The following UBE2R2 variants were observed in gnomAD, a reference collection of about 807,000 sequenced individuals.
The protein encoded by UBE2R2 is ubiquitin-conjugating enzyme E2 R2.
In UBE2R2, 1 loss-of-function variant was observed where a neutral mutation model predicts 27.8. That is an observed-to-expected ratio of 0.04 (90% CI 0.01 to 0.17). The LOEUF is 0.17. Ranked by LOEUF, UBE2R2 falls within the 10% of genes least tolerant of loss-of-function variation. The pLI is 1.00. For synonymous variants in UBE2R2, 106 were observed against 113.3 expected (o/e 0.94, Z 0.41); for missense variants, 100 against 291.0 (o/e 0.34, Z 4.78).
At chr9:33,825,013 G>A (rs72725371) in intron 1 of UBE2R2, among the ~76,000 whole-genome samples, 11,979 of 151,884 alleles carry the variant, frequency 0.079, 680 homozygotes, top group Non-Finnish European at 0.12. Flanking sequence ...AATACTCTGC[G>A]TTGATTCTCC....
intron 1 of UBE2R2, among the ~76,000 whole-genome samples, chr9:33,850,520 AAT>A (rs1820943118): frequency 6.6e-6 from 1 of 152,056 alleles, no homozygotes; most frequent in Non-Finnish European, 1.5e-5. Context: ...TGCCCTCTGC[AAT>A]ACCAAGTTTC....
intron 1 of UBE2R2, among the ~76,000 whole-genome samples, chr9:33,824,794 C>T (rs1820273301): frequency 6.9e-6 from 1 of 144,382 alleles, no homozygotes; most frequent in Admixed American, 7.0e-5. Flanking sequence ...CAGAGTGAAG[C>T]TCTGTCTCAA....
At chr9:33,912,182 C>G (rs1258898671) in intron 4 of UBE2R2, 84 bp downstream of exon 4, 14 of 1,164,118 alleles carry the variant, frequency 1.2e-5, no homozygotes, top group Non-Finnish European at 1.7e-5. Flanking sequence ...ACTTAAATAT[C>G]CTGTCCATTC....
intron 3 of UBE2R2, among the ~76,000 whole-genome samples, chr9:33,909,545 C>T (rs1822440588): frequency 6.6e-6 from 1 of 152,148 alleles, no homozygotes; most frequent in Admixed American, 6.5e-5. Context: ...CAGTGGCTCA[C>T]ACCTGAAATC....
intron 1 of UBE2R2, among the ~76,000 whole-genome samples, chr9:33,876,971 C>T (rs967069332): frequency 1.3e-5 from 2 of 151,656 alleles, no homozygotes; most frequent in African/African-American, 4.8e-5. Context: ...GGTGAAACCC[C>T]AAGTGTACTA....
At chr9:33,818,934 T>C (rs978981033) in intron 1 of UBE2R2, 11 of 152,134 alleles carry the variant, frequency 7.2e-5, no homozygotes, top group Admixed American at 6.6e-5. Context: ...TGGTTATCAT[T>C]CCAGAATCTA....
chr9:33,915,952 A>ACC (rs1822631045), intron 4 of UBE2R2, among the ~76,000 whole-genome samples: 1 of 152,158 alleles, frequency 6.6e-6, no homozygotes, highest in African/African-American at 2.4e-5. Context: ...GGGGCAGGGG[A>ACC]AGAGCAACTG....
At chr9:33,908,115 G>A (rs1000705384) in intron 3 of UBE2R2, among the ~76,000 whole-genome samples, 12 of 152,102 alleles carry the variant, frequency 7.9e-5, no homozygotes, top group Admixed American at 2.0e-4. Flanking sequence ...GTGAGCCACC[G>A]CACCCCGCCT....
Position 33,913,860 on chromosome 9 carries a change from A to G in UBE2R2, c.497+1762A>G, listed in dbSNP as rs534823343. ...GGGATTACAAGGACAGAGTTTGGGC[A>G]TCTGTGTGTGTATATATATCTCACC... is the stretch of plus-strand genomic sequence containing the variant. On this transcript the variant is annotated intron_variant, in intron 4 of 4. Coordinates refer to ENST00000263228, the MANE Select transcript of UBE2R2 (RefSeq NM_017811.4). 4.6e-5 allele frequency among the ~76,000 whole-genome samples: 7 copies of G among 152,322 alleles called. No individual in the cohort carries two copies. In the South Asian group the frequency reaches 1.5e-3, roughly 32 times the overall value.
At chr9:33,842,415 C>T (rs1300951245) in intron 1 of UBE2R2, among the ~76,000 whole-genome samples, 1 of 151,976 alleles carries the variant, frequency 6.6e-6, no homozygotes, top group Non-Finnish European at 1.5e-5. Context: ...AAATTTCCAC[C>T]AATTTGTATT....
intron 1 of UBE2R2, among the ~76,000 whole-genome samples, chr9:33,852,770 G>A (rs1820995876): frequency 6.6e-6 from 1 of 152,140 alleles, no homozygotes; most frequent in Non-Finnish European, 1.5e-5. Flanking sequence ...CACTTTGGGA[G>A]GCCGAGGCAG....
intron 3 of UBE2R2, among the ~76,000 whole-genome samples, chr9:33,906,130 G>T (rs1822351942): frequency 1.3e-5 from 2 of 151,868 alleles, no homozygotes; most frequent in South Asian, 4.2e-4. Flanking sequence ...TGTTGTTGTT[G>T]TTGTTGTTTT....
Position 33,917,598 on chromosome 9 carries a change from C to G in UBE2R2, c.*361C>G, listed in dbSNP as rs1274127558. The G allele has an allele frequency of 2.3e-6, 1 of 427,090 alleles. No individual in the cohort carries two copies. Among genetic ancestry groups the G allele is most frequent in the East Asian group, 3.7e-5 (1 of 27,376 alleles). 26.5% of individuals were successfully genotyped at this position (427,090 alleles called of 1,614,324 possible). On this transcript the variant is annotated 3_prime_UTR_variant, in exon 5 of 5. Coordinates refer to ENST00000263228, the MANE Select transcript of UBE2R2 (RefSeq NM_017811.4). ...ATTCTTGAAGAATTCAATAGTCTTTCAAGATGTTTAATGTGTTTAAAGCTG... is the reference window on the plus strand; with the variant it reads ...ATTCTTGAAGAATTCAATAGTCTTTGAAGATGTTTAATGTGTTTAAAGCTG...
intron 1 of UBE2R2, among the ~76,000 whole-genome samples, chr9:33,881,523 C>T (rs1047129741): frequency 2.0e-5 from 3 of 152,188 alleles, no homozygotes; most frequent in African/African-American, 4.8e-5. Context: ...GGATATCACA[C>T]TGTATTTAGT....
intron 3 of UBE2R2, among the ~76,000 whole-genome samples, chr9:33,906,143 A>G (rs1029249991): frequency 1.5e-4 from 21 of 140,782 alleles, no homozygotes; most frequent in African/African-American, 4.5e-4. Context: ...GTTGTTTTGA[A>G]ATGGAGTTTT....
intron 1 of UBE2R2, among the ~76,000 whole-genome samples, chr9:33,846,641 A>G (rs1820853047): frequency 6.6e-6 from 1 of 152,204 alleles, no homozygotes; most frequent in South Asian, 2.1e-4. Flanking sequence ...ATTTTGTAGT[A>G]TATCATGCAG....
rs1821477542 is a variant in UBE2R2 at position 33,871,197 on chromosome 9, A to T, written c.178-15684A>T. Among the ~76,000 whole-genome samples the T allele has an allele frequency of 1.3e-5, 2 of 152,200 alleles. 1 individual carries two copies. The highest frequency in any genetic ancestry group is 4.1e-4 in the South Asian group (2 of 4,830). ...ACTTAATTTGTAATCATTTATTTGCATGCCTGTCTTTTAATTAAAACATAG... is the reference window on the plus strand; with the variant it reads ...ACTTAATTTGTAATCATTTATTTGCTTGCCTGTCTTTTAATTAAAACATAG... On this transcript the variant is annotated intron_variant, in intron 1 of 4. Coordinates refer to ENST00000263228, the MANE Select transcript of UBE2R2 (RefSeq NM_017811.4).
intron 1 of UBE2R2, among the ~76,000 whole-genome samples, chr9:33,874,543 A>G (rs574372239): frequency 6.6e-6 from 1 of 152,192 alleles, no homozygotes; most frequent in South Asian, 2.1e-4. Flanking sequence ...GAAGAAATAT[A>G]TATGCACACA....
At chr9:33,872,130 G>T (rs1195276268) in intron 1 of UBE2R2, among the ~76,000 whole-genome samples, 4 of 150,534 alleles carry the variant, frequency 2.7e-5, no homozygotes, top group Non-Finnish European at 5.9e-5. Context: ...CTCAAGCTGG[G>T]ATTACAAGCA....
Sources: allele counts gnomAD v4.1 joint callset (sites outside exome capture counted in the v4.1 genomes callset), GRCh38; gene constraint gnomAD v4.1.1; transcripts MANE v1.5; gene names NCBI Gene and HGNC (gene_info 2026-07-23, HGNC 2026-07-21).